The following ESR1 variants were observed in gnomAD, a reference collection of about 807,000 sequenced individuals.
ESR1 encodes the protein estrogen receptor 1, also known as estrogen receptor.
Under a neutral mutation model 52.7 loss-of-function variants are expected in ESR1, and 12 were observed. That is an observed-to-expected ratio of 0.23 (90% confidence interval 0.15 to 0.37). The LOEUF (loss-of-function observed/expected upper bound fraction) is 0.37. ESR1 is among the 10% of genes least tolerant of loss of function. The pLI is 1.00. For missense variants in ESR1, 584 were observed against 779.7 expected, an observed-to-expected ratio of 0.75 and a Z score of 2.99; for synonymous variants, 305 against 316.8, an observed-to-expected ratio of 0.96 and a Z score of 0.39.
chr6:151,925,965 A>C (rs929938517), intron 3 of ESR1, among the ~76,000 whole-genome samples: 1 of 152,046 alleles, frequency 6.6e-6, no homozygotes, highest in Non-Finnish European at 1.5e-5. Context: ...GATTCACCTT[A>C]AGTTTTGTTT....
chr6:151,672,508 T>A (rs1193724207), intron 1 of ESR1, among the ~76,000 whole-genome samples: 3 of 151,722 alleles, frequency 2.0e-5, no homozygotes, highest in Non-Finnish European at 4.4e-5. Flanking sequence ...AGCTAATTTT[T>A]GTATTGTTAG....
At chr6:151,677,956 T>C (rs1293940) in intron 1 of ESR1, among the ~76,000 whole-genome samples, 86,072 of 152,036 alleles carry the variant, frequency 0.57, 24,664 homozygotes, top group African/African-American at 0.66. Flanking sequence ...CATGTTACAT[T>C]TGTAAAAAAA....
chr6:151,782,940 AG>A (rs1786688101), intron 2 of ESR1, among the ~76,000 whole-genome samples: 1 of 152,232 alleles, frequency 6.6e-6, no homozygotes, highest in Admixed American at 6.5e-5. Context: ...TGGTGTGTTT[AG>A]GTGAGTTTTA....
At chr6:151,733,962 C>T (rs1189222313) in intron 2 of ESR1, among the ~76,000 whole-genome samples, 1 of 152,160 alleles carries the variant, frequency 6.6e-6, no homozygotes, top group African/African-American at 2.4e-5. Flanking sequence ...TGGTTGATGA[C>T]ATATTCACTT....
exon 1 of ESR1, chr6:151,690,629 A>G (rs1366781791): frequency 3.9e-5 from 6 of 152,184 alleles, no homozygotes; most frequent in Non-Finnish European, 7.3e-5. Flanking sequence ...TCTATAGCAT[A>G]AGAAGACAGT....
intron 1 of ESR1, among the ~76,000 whole-genome samples, chr6:151,825,123 T>A (rs917531215): frequency 2.6e-5 from 4 of 152,136 alleles, no homozygotes; most frequent in Non-Finnish European, 5.9e-5. Flanking sequence ...GTGAAAGATT[T>A]AGAAGACAAA....
chr6:151,786,353 G>A (rs1035364722), intron 2 of ESR1, among the ~76,000 whole-genome samples: 5 of 152,114 alleles, frequency 3.3e-5, no homozygotes, highest in South Asian at 2.1e-4. Context: ...GCCCCACCCC[G>A]GTTTCAAGCA....
chr6:151,728,993 A>C (rs1486911415), intron 2 of ESR1, among the ~76,000 whole-genome samples: 1 of 152,326 alleles, frequency 6.6e-6, no homozygotes, highest in Admixed American at 6.5e-5. Flanking sequence ...ACACATGAAC[A>C]CTTTTATATT....
intron 2 of ESR1, among the ~76,000 whole-genome samples, chr6:151,746,592 A>G (rs1301872473): frequency 6.6e-6 from 1 of 152,232 alleles, no homozygotes; most frequent in Non-Finnish European, 1.5e-5. Context: ...GGTAGTTGAG[A>G]CTGAAATGCT....
At chr6:151,854,920 T>C (rs2128268870) in intron 2 of ESR1, among the ~76,000 whole-genome samples, 1 of 152,238 alleles carries the variant, frequency 6.6e-6, no homozygotes, top group East Asian at 1.9e-4. Context: ...ATGATATTTA[T>C]TTATTTATTT....
At chr6:151,803,623 G>T (rs1008820142), upstream of ESR1, among the ~76,000 whole-genome samples, 1 of 152,136 alleles carries the variant, frequency 6.6e-6, no homozygotes, top group Non-Finnish European at 1.5e-5. Flanking sequence ...AAAGTAAACA[G>T]GTTGCAGGGT....
intron 4 of ESR1, among the ~76,000 whole-genome samples, chr6:151,994,533 G>A (rs2041306530): frequency 6.6e-6 from 1 of 152,130 alleles, no homozygotes; most frequent in Non-Finnish European, 1.5e-5. Flanking sequence ...AGACCGTAAG[G>A]GTGAGCTGAT....
chr6:151,684,399 C>T (rs851995), intron 1 of ESR1, among the ~76,000 whole-genome samples: 80,780 of 151,592 alleles, frequency 0.53, 22,194 homozygotes, highest in African/African-American at 0.63. Flanking sequence ...TTTAATCTTG[C>T]AGTAACACGG....
At chr6:152,067,216 G>T (rs2048030435) in intron 6 of ESR1, among the ~76,000 whole-genome samples, 2 of 152,184 alleles carry the variant, frequency 1.3e-5, no homozygotes, top group African/African-American at 4.8e-5. Context: ...CCTGCATCTT[G>T]TTGCAGAGAT....
At chr6:151,716,731 C>G (rs942459753) in intron 2 of ESR1, among the ~76,000 whole-genome samples, 6 of 152,148 alleles carry the variant, frequency 3.9e-5, no homozygotes, top group African/African-American at 9.7e-5. Flanking sequence ...GTGCTGGCAG[C>G]GAGAATTTCA....
intron 4 of ESR1, among the ~76,000 whole-genome samples, chr6:151,971,711 A>G (rs1021594357): frequency 1.3e-5 from 2 of 152,314 alleles, no homozygotes; most frequent in Admixed American, 6.5e-5. Flanking sequence ...AGTCTGAAAG[A>G]GCACAAATAG....
intron 2 of ESR1, among the ~76,000 whole-genome samples, chr6:151,760,130 C>G (rs17081659): frequency 0.011 from 1,673 of 152,240 alleles, 34 homozygotes; most frequent in African/African-American, 0.038. Flanking sequence ...AAGACCAATT[C>G]CCCTACCACG....
intron 2 of ESR1, among the ~76,000 whole-genome samples, chr6:151,723,942 CAATA>C (rs1781649112): frequency 1.3e-5 from 2 of 151,844 alleles, no homozygotes; most frequent in African/African-American, 4.8e-5. Flanking sequence ...AATAAAATGA[CAATA>C]AAGGAATGAA....
intron 4 of ESR1, among the ~76,000 whole-genome samples, chr6:151,975,003 A>C (rs78228647): frequency 0.028 from 4,301 of 152,200 alleles, 104 homozygotes; most frequent in East Asian, 0.11. Flanking sequence ...TTTCACCTGG[A>C]CTTTTCCTAG....
Sources: allele counts gnomAD v4.1 joint callset (sites outside exome capture counted in the v4.1 genomes callset), GRCh38; gene constraint gnomAD v4.1.1; transcripts MANE v1.5; gene names NCBI Gene and HGNC (gene_info 2026-07-23, HGNC 2026-07-21).